Variants in NBAS observed in about 807,000 individuals in gnomAD.
The protein encoded by NBAS is NAG/BC035112 fusion.
A neutral mutation model predicts 302.5 loss-of-function variants in NBAS; 219 were observed. The ratio of observed to expected loss-of-function variants is 0.72; its 90% confidence interval spans 0.65 to 0.81. The LOEUF (loss-of-function observed/expected upper bound fraction) is 0.81, where lower values mean the gene tolerates loss of function less well. NBAS is among the 30% of genes least tolerant of loss of function. NBAS has a pLI of 0.00. For synonymous variants in NBAS, 1,118 were observed against 1,021.6 expected, an observed-to-expected ratio of 1.09 and a Z score of -1.80; for missense variants, 2,932 against 2,841.6, an observed-to-expected ratio of 1.03 and a Z score of -0.72.
At chr2:15,144,380 C>T in the NBAS span, among the ~76,000 whole-genome samples, 5 of 152,110 alleles carry the variant, frequency 3.3e-5, no homozygotes, top group Non-Finnish European at 2.9e-5. Flanking sequence ...AACCTCCCAG[C>T]CTATTAAATA....
At chr2:15,542,658 TAAA>T (rs984610167) in intron 6 of NBAS, among the ~76,000 whole-genome samples, 1 of 147,598 alleles carries the variant, frequency 6.8e-6, no homozygotes, top group African/African-American at 2.5e-5. Context: ...ATAAAAAAAA[TAAA>T]AAAAAAATCA....
the NBAS span, among the ~76,000 whole-genome samples, chr2:15,077,183 G>A: frequency 1.3e-5 from 2 of 152,142 alleles, no homozygotes; most frequent in Non-Finnish European, 2.9e-5. Context: ...AGCAAGGCAC[G>A]TCTTACATGG....
the NBAS span, among the ~76,000 whole-genome samples, chr2:15,088,030 T>G: frequency 6.6e-6 from 1 of 152,208 alleles, no homozygotes; most frequent in Non-Finnish European, 1.5e-5. Flanking sequence ...GACGGGAATG[T>G]GCTCAGAGGA....
the NBAS span, among the ~76,000 whole-genome samples, chr2:15,067,411 AGG>A: frequency 7.3e-5 from 1 of 13,726 alleles, no homozygotes; most frequent in Non-Finnish European, 1.4e-4. Context: ...AGGGGAGGGG[AGG>A]GGAGAGGAGG....
the NBAS span, among the ~76,000 whole-genome samples, chr2:15,063,790 G>A: frequency 1.3e-5 from 2 of 152,134 alleles, no homozygotes; most frequent in East Asian, 3.9e-4. Context: ...AAGGAGAGAG[G>A]TCTCAGGAGA....
chr2:15,035,479 C>T, the NBAS span, among the ~76,000 whole-genome samples: 54 of 152,258 alleles, frequency 3.5e-4, no homozygotes, highest in African/African-American at 1.3e-3. Context: ...ACCCAGCAAT[C>T]TATTACTGGG....
At chr2:15,210,201 G>GA (rs1030718220) in intron 48 of NBAS, among the ~76,000 whole-genome samples, 3 of 151,912 alleles carry the variant, frequency 2.0e-5, no homozygotes, top group African/African-American at 4.8e-5. Context: ...CACAGAATGG[G>GA]AAAAAATATT....
the NBAS span, among the ~76,000 whole-genome samples, chr2:15,024,669 GT>G: frequency 6.6e-6 from 1 of 152,074 alleles, no homozygotes; most frequent in Non-Finnish European, 1.5e-5. Context: ...TTTTTGACTG[GT>G]GTGAGATGGT....
the NBAS span, among the ~76,000 whole-genome samples, chr2:14,892,549 C>T: frequency 8.4e-3 from 1,274 of 152,100 alleles, 26 homozygotes; most frequent in African/African-American, 0.029. Flanking sequence ...ATTATACCGA[C>T]TCTATGGCTG....
the NBAS span, among the ~76,000 whole-genome samples, chr2:14,874,434 G>C: frequency 1.4e-5 from 2 of 146,506 alleles, no homozygotes; most frequent in Non-Finnish European, 3.0e-5. Flanking sequence ...AGACTATCCT[G>C]TCTAACATGG....
intron 44 of NBAS, among the ~76,000 whole-genome samples, chr2:15,254,422 G>A (rs375975688): frequency 5.3e-5 from 8 of 152,190 alleles, no homozygotes; most frequent in African/African-American, 1.2e-4. Context: ...TGGGGTCTCC[G>A]TTTGTGCAGT....
chr2:15,360,526 T>G (rs1673858412), intron 32 of NBAS, among the ~76,000 whole-genome samples: 1 of 152,000 alleles, frequency 6.6e-6, no homozygotes. Context: ...TTATTTTTAT[T>G]TTTTGTAGAG....
Position 15,234,549 on chromosome 2 carries a change from A to C in NBAS, c.6142T>G (p.Leu2048Val). The change falls in exon 46 of 52, where the codon TTG becomes GTG. Residue 2048 changes from leucine to valine, a missense_variant. By Grantham distance (32) the Leu-to-Val change is conservative (BLOSUM62 1). Coordinates refer to ENST00000281513, the MANE Select transcript of NBAS (RefSeq NM_015909.4). ...AATGACCACTTTCTAGCTTACCTCA[A>C]TGCAGAAATTATTTTCATGATTGCA... ...QSAIMKIISA[L>V]SGGSADLGGP... The C allele has an allele frequency of 6.2e-7, 1 of 1,613,682 alleles. No homozygotes were observed. Among genetic ancestry groups the C allele is most frequent in the Non-Finnish European group, 8.5e-7 (1 of 1,179,936 alleles).
the NBAS span, among the ~76,000 whole-genome samples, chr2:14,828,767 A>C: frequency 2.6e-5 from 4 of 152,304 alleles, no homozygotes; most frequent in Admixed American, 2.6e-4. Flanking sequence ...TCAGAGGTGC[A>C]ATCCATAGGA....
the NBAS span, among the ~76,000 whole-genome samples, chr2:14,907,931 C>T: frequency 2.6e-5 from 4 of 152,172 alleles, no homozygotes; most frequent in Non-Finnish European, 5.9e-5. Context: ...CTTTTGATTG[C>T]TTTTGTCCTG....
the NBAS span, among the ~76,000 whole-genome samples, chr2:14,922,005 A>G: frequency 1.4e-3 from 214 of 152,292 alleles, no homozygotes; most frequent in Non-Finnish European, 2.6e-3. Context: ...CAGGAACCCA[A>G]GGAGGCATCT....
the NBAS span, among the ~76,000 whole-genome samples, chr2:14,939,671 G>A: frequency 3.0e-4 from 45 of 152,210 alleles, no homozygotes; most frequent in African/African-American, 1.1e-3. Context: ...ACTAAACTAA[G>A]TAATCTGAAC....
At chr2:15,137,140 A>G in the NBAS span, among the ~76,000 whole-genome samples, 1 of 152,210 alleles carries the variant, frequency 6.6e-6, no homozygotes, top group Non-Finnish European at 1.5e-5. Flanking sequence ...GAACCTCACC[A>G]GGTATCAAAC....
At chr2:14,872,483 C>T in the NBAS span, among the ~76,000 whole-genome samples, 27 of 152,200 alleles carry the variant, frequency 1.8e-4, no homozygotes, top group East Asian at 2.9e-3. Flanking sequence ...CTCCCTAATG[C>T]GTCTGGAATT....
Sources: allele counts gnomAD v4.1 joint callset (sites outside exome capture counted in the v4.1 genomes callset), GRCh38; gene constraint gnomAD v4.1.1; transcripts MANE v1.5; gene names NCBI Gene and HGNC (gene_info 2026-07-23, HGNC 2026-07-21).